GIN1: variants seen among roughly 807,000 people sequenced by gnomAD.
GIN1 encodes the protein gypsy retrotransposon integrase-like protein 1.
GIN1 carries 41 observed loss-of-function variants against 51.4 expected under a neutral mutation model. The ratio of observed to expected loss-of-function variants is 0.80; its 90% CI spans 0.62 to 1.04. The LOEUF is 1.04. GIN1 is among the 50% of genes least tolerant of loss of function. The pLI is 0.00. For missense variants in GIN1, 610 were observed against 612.4 expected (o/e 1.00, Z 0.04); for synonymous variants, 222 against 206.5 (o/e 1.07, Z -0.64).
intron 1 of GIN1, 71 bp from the exon 2 acceptor site, chr5:103,108,785 C>T: frequency 1.1e-6 from 1 of 945,980 alleles, no homozygotes; most frequent in Non-Finnish European, 1.6e-6. Flanking sequence ...GTTAAGACTT[C>T]TGTCATATTT....
chr5:103,100,565 AT>A (rs1318946948), intron 4 of GIN1, among the ~76,000 whole-genome samples: 100 of 147,052 alleles, frequency 6.8e-4, no homozygotes, highest in Admixed American at 8.9e-4. Flanking sequence ...TTAATTAAAA[AT>A]TTTTTTTTTT....
At chr5:103,106,407 T>A (rs574520074) in intron 3 of GIN1, among the ~76,000 whole-genome samples, 1 of 152,176 alleles carries the variant, frequency 6.6e-6, no homozygotes, top group East Asian at 1.9e-4. Flanking sequence ...GAAGTAATGA[T>A]TTAGTCAAAT....
At chr5:103,099,235 G>A (rs1554195504) in intron 4 of GIN1, among the ~76,000 whole-genome samples, 1 of 152,002 alleles carries the variant, frequency 6.6e-6, no homozygotes, top group East Asian at 1.9e-4. Context: ...AAACTCAGCT[G>A]GTACTAGCTT....
In GIN1 at chr5:103,087,364, T is replaced by A. The variant is rs1426896497; in HGVS notation, c.*534A>T. The A allele has an allele frequency of 6.6e-6, 1 of 152,230 alleles. No individual in the cohort carries two copies. Among genetic ancestry groups the A allele is most frequent in the African/African-American group, 2.4e-5 (1 of 41,468 alleles). 9.4% of individuals were successfully genotyped at this position (152,230 alleles called of 1,614,324 possible). On this transcript the variant is annotated 3_prime_UTR_variant, in exon 8 of 8. Transcript: ENST00000399004. The stretch of plus-strand genomic sequence containing the variant: ...TTCAGACCCTAATCCTGACCCTATC[T>A]AACCAATTAGATAATTTGAAATTAC...
chr5:103,110,672 G>A (rs1787856654), intron 1 of GIN1, among the ~76,000 whole-genome samples: 1 of 152,076 alleles, frequency 6.6e-6, no homozygotes, highest in Non-Finnish European at 1.5e-5. Flanking sequence ...TAGGAAAACT[G>A]AGTTTCTTCT....
intron 4 of GIN1, among the ~76,000 whole-genome samples, chr5:103,103,450 T>G (rs1309296155): frequency 6.6e-6 from 1 of 152,242 alleles, no homozygotes; most frequent in African/African-American, 2.4e-5. Flanking sequence ...GCACATGTCC[T>G]ATCTACTAGT....
At chr5:103,115,284 T>A (rs561970690) in intron 1 of GIN1, among the ~76,000 whole-genome samples, 2 of 152,256 alleles carry the variant, frequency 1.3e-5, no homozygotes, top group South Asian at 4.1e-4. Context: ...GCAACTCAAG[T>A]GTCCATCAAT....
chr5:103,088,056 T>G lies in GIN1; in HGVS notation c.1411A>C (p.Ile471Leu). 1 of 1,610,528 alleles carries G rather than the reference T, an allele frequency of 6.2e-7. No individual in the cohort carries two copies. Among genetic ancestry groups the G allele is most frequent in the Admixed American group, 1.7e-5 (1 of 60,006 alleles). Residue 471 changes from isoleucine (I) to leucine (L), a missense_variant, in exon 8 of 8, where the codon ATA becomes CTA. Transcript: ENST00000399004. Reference sequence around the variant, plus strand: ...GATGTCAGTAATTCATTATCGACTATACCAATAGTTGCATCTTCCACCAGA... The same window carrying G: ...GATGTCAGTAATTCATTATCGACTAGACCAATAGTTGCATCTTCCACCAGA... ...NILVEDATIGIVDNELLTSSK... is the reference protein window; with the variant it reads ...NILVEDATIGLVDNELLTSSK...
Position 103,108,604 on chromosome 5 carries a change from C to T in GIN1, c.104G>A (p.Gly35Asp), listed in dbSNP as rs1787790180. ...AAATTTTTTTGCTGCTCTTCTTATG[C>T]CACTTCTCTCACTTGGCAGTGTAGT... ...HSTTLPSERS[G>D]IRRAAKKFVF... The change falls in exon 2 of 8, where the codon GGC becomes GAC. Residue 35 changes from glycine to aspartate, a missense_variant. Gly to Asp is a moderately conservative substitution (Grantham distance 94). Coordinates refer to ENST00000399004, the MANE Select transcript of GIN1 (RefSeq NM_017676.2). The T allele has an allele frequency of 4.4e-6, 7 of 1,605,854 alleles. No individual in the cohort carries two copies. The highest frequency in any genetic ancestry group is 6.0e-6 in the Non-Finnish European group (7 of 1,174,122).
intron 3 of GIN1, 53 bp from the exon 4 acceptor site, chr5:103,104,899 AAT>A (rs1266138398): frequency 9.4e-7 from 1 of 1,066,418 alleles, no homozygotes; most frequent in Non-Finnish European, 1.4e-6. Context: ...CACTCAACAC[AAT>A]ATAAAAGCAG....
At chr5:103,097,026 G>A (rs1224564243) in intron 6 of GIN1, among the ~76,000 whole-genome samples, 200 bp from the exon 7 acceptor site, 2 of 152,008 alleles carry the variant, frequency 1.3e-5, no homozygotes, top group African/African-American at 4.8e-5. Context: ...ACTAAGATAG[G>A]TTAAGTAATT....
In GIN1 at chr5:103,104,467, G is replaced by A. The variant is rs190123442; in HGVS notation, c.639+74C>T. 2.3e-4 allele frequency: 161 copies of A among 694,030 alleles called. No homozygotes were observed. In the African/African-American group the frequency reaches 2.4e-3, roughly 10 times the overall value. 43.0% of individuals were successfully genotyped at this position (694,030 alleles called of 1,614,324 possible). The stretch of plus-strand genomic sequence containing the variant: ...CTTATTAAGCACTCTGTAATATAAT[G>A]CAGAGGGCACTGGTTCTGGACACTG... On this transcript the variant is annotated intron_variant, in intron 4 of 7. Coordinates refer to ENST00000399004, the MANE Select transcript of GIN1 (RefSeq NM_017676.2).
At chr5:103,115,755 G>A (rs1042338202) in intron 1 of GIN1, among the ~76,000 whole-genome samples, 2 of 151,922 alleles carry the variant, frequency 1.3e-5, no homozygotes, top group African/African-American at 2.4e-5. Flanking sequence ...TTCGACAAGG[G>A]AGTAACCCAA....
chr5:103,093,298 A>C (rs1787306129), intron 7 of GIN1, among the ~76,000 whole-genome samples: 1 of 152,190 alleles, frequency 6.6e-6, no homozygotes, highest in African/African-American at 2.4e-5. Flanking sequence ...GGGTCCTCAA[A>C]TATAGAAGAG....
At chr5:103,104,446 T>C in intron 4 of GIN1, 95 bp downstream of exon 4, 1 of 630,206 alleles carries the variant, frequency 1.6e-6, no homozygotes, top group Non-Finnish European at 2.8e-6. Context: ...TCTGAACTTA[T>C]TAAGCACTCT....
intron 1 of GIN1, among the ~76,000 whole-genome samples, chr5:103,119,036 CA>C (rs1426626024): frequency 1.3e-5 from 2 of 152,124 alleles, no homozygotes; most frequent in African/African-American, 4.8e-5. Flanking sequence ...AGAGGAATGT[CA>C]GGGTCACATT....
Position 103,088,189 on chromosome 5 carries a change from C to CGGCCGGGCGCGGTGGCTCACGCCTGTA in GIN1, c.1295-18_1295-17insTACAGGCGTGAGCCACCGCGCCCGGCC. ...AAAGACTTTCTGAAAAAAGAAAAATCATACATTTGACTTTTAGAATTATAA... is the reference window on the plus strand; with the variant it reads ...AAAGACTTTCTGAAAAAAGAAAAATCGGCCGGGCGCGGTGGCTCACGCCTGTAATACATTTGACTTTTAGAATTATAA... On this transcript the variant is annotated splice_polypyrimidine_tract_variant and intron_variant, in intron 7 of 7. Transcript: ENST00000399004. 7.1e-7 allele frequency: 1 copy of CGGCCGGGCGCGGTGGCTCACGCCTGTA among 1,414,318 alleles called. No individual in the cohort carries two copies. Among genetic ancestry groups the CGGCCGGGCGCGGTGGCTCACGCCTGTA allele is most frequent in the Non-Finnish European group, 9.5e-7 (1 of 1,053,986 alleles). The allele number at this position is 1,414,318 out of a possible 1,614,324, so 87.6% of individuals were successfully genotyped here.
In GIN1 at chr5:103,104,645, C is replaced by T. The variant is rs1311895889; in HGVS notation, c.535G>A (p.Asp179Asn). 6 of 1,604,338 alleles carry T rather than the reference C, an allele frequency of 3.7e-6. No individual in the cohort carries two copies. The highest frequency in any genetic ancestry group is 5.1e-6 in the Non-Finnish European group (6 of 1,171,284). The change falls in exon 4 of 8, where the codon GAT (aspartate) becomes AAT (asparagine). Residue 179 changes from aspartate to asparagine, a missense_variant. Physicochemically the swap from Asp to Asn is conservative, Grantham distance 23 (BLOSUM62 1). Transcript: ENST00000399004. ...TTAGAAACTTCTGATGCTGAAACAT[C>T]ACATAGAGGCAAAATCACAATCCAT... ...TKWIVILPLCDVSASEVSKAI... is the reference protein window; with the variant it reads ...TKWIVILPLCNVSASEVSKAI...
chr5:103,098,195 T>C (rs887871671), intron 4 of GIN1, among the ~76,000 whole-genome samples: 1 of 152,198 alleles, frequency 6.6e-6, no homozygotes, highest in African/African-American at 2.4e-5. Flanking sequence ...CTTGCTTTTT[T>C]ATTGACCATA....
Sources: allele counts gnomAD v4.1 joint callset (sites outside exome capture counted in the v4.1 genomes callset), GRCh38; gene constraint gnomAD v4.1.1; transcripts MANE v1.5; gene names NCBI Gene and HGNC (gene_info 2026-07-23, HGNC 2026-07-21).